EFR3A: variants seen among roughly 807,000 people sequenced by gnomAD.
EFR3A encodes the protein EFR3 homolog A.
EFR3A carries 76 observed loss-of-function variants against 104.4 expected under a neutral mutation model. That is an observed-to-expected ratio of 0.73 (90% CI 0.60 to 0.88). The LOEUF (loss-of-function observed/expected upper bound fraction) is 0.88. EFR3A is among the 40% of genes least tolerant of loss of function. The pLI is 0.00. For synonymous variants in EFR3A, 330 were observed against 330.0 expected, an observed-to-expected ratio of 1.00 and a Z score of 0.00; for missense variants, 985 against 1,012.5, an observed-to-expected ratio of 0.97 and a Z score of 0.37.
At chr8:131,991,381 G>C (rs2130777751) in intron 18 of EFR3A, among the ~76,000 whole-genome samples, 1 of 151,850 alleles carries the variant, frequency 6.6e-6, no homozygotes, top group African/African-American at 2.4e-5. Context: ...AAGGAAAGAA[G>C]TACATATTTC....
intron 1 of EFR3A, chr8:131,924,193 ATTAT>A (rs1817188626): frequency 2.6e-6 from 1 of 377,984 alleles, no homozygotes. Flanking sequence ...TGCCAAAGGA[ATTAT>A]TTCTGCATAC....
At chr8:131,927,937 C>T (rs1404367891) in intron 1 of EFR3A, among the ~76,000 whole-genome samples, 1 of 152,134 alleles carries the variant, frequency 6.6e-6, no homozygotes, top group Non-Finnish European at 1.5e-5. Flanking sequence ...AATTCCCATC[C>T]TTTTAGAACT....
intron 1 of EFR3A, among the ~76,000 whole-genome samples, chr8:131,913,220 C>T (rs1816596209): frequency 6.7e-6 from 1 of 149,248 alleles, no homozygotes; most frequent in Non-Finnish European, 1.5e-5. Flanking sequence ...TTGGCAGTTC[C>T]TCCTATGATT....
intron 1 of EFR3A, among the ~76,000 whole-genome samples, chr8:131,936,802 A>G (rs192557088): frequency 7.8e-4 from 119 of 152,208 alleles, no homozygotes; most frequent in African/African-American, 2.6e-3. Context: ...GAGCTTCCAT[A>G]TATATTTGCT....
chr8:131,949,684 C>T (rs1234992416), intron 4 of EFR3A, among the ~76,000 whole-genome samples: 2 of 151,620 alleles, frequency 1.3e-5, no homozygotes, highest in Admixed American at 6.6e-5. Flanking sequence ...TTTGGTGGTG[C>T]GTGCCTGTAG....
chr8:132,005,934 CA>C (rs1210551929), intron 22 of EFR3A, among the ~76,000 whole-genome samples: 4 of 150,968 alleles, frequency 2.6e-5, no homozygotes, highest in African/African-American at 9.7e-5. Context: ...TCTCTTGCCA[CA>C]AAAAAAAGTA....
In EFR3A at chr8:131,987,589, T is replaced by C. The variant is rs1036581359; in HGVS notation, c.1952T>C (p.Leu651Ser). ...GAACTTCGCAGGCTTCCAAAATCTT[T>C]AGAGAAGCATGAAAAAGATTTGTAC... ...FRDKCMLPKS[L>S]EKHEKDLYFL... is the part of the protein sequence containing the mutation. Residue 651 changes from leucine to serine, a missense_variant, in exon 18 of 23, where the codon TTA becomes TCA. Coordinates refer to ENST00000254624, the MANE Select transcript of EFR3A (RefSeq NM_015137.6). 1 of 1,595,896 alleles carries C rather than the reference T, an allele frequency of 6.3e-7. No homozygotes were observed. The highest frequency in any genetic ancestry group is 8.5e-7 in the Non-Finnish European group (1 of 1,170,316).
In EFR3A at chr8:131,940,482, T is replaced by A; in HGVS notation, c.11-17T>A. 3 of 1,508,394 alleles carry A rather than the reference T, an allele frequency of 2.0e-6. No homozygotes were observed. The highest frequency in any genetic ancestry group is 2.7e-6 in the Non-Finnish European group (3 of 1,113,572). The allele number at this position is 1,508,394 out of a possible 1,614,324, so 93.4% of individuals were successfully genotyped here. On this transcript the variant is annotated splice_polypyrimidine_tract_variant and intron_variant, in intron 1 of 22. Transcript: ENST00000254624. ...ATTAATAATATCTGTATTTCTTGAT[T>A]TTTTTTTTTTTAACAGGAGTATGCT...
Position 131,911,227 on chromosome 8 carries a change from A to G in EFR3A, c.10+6905A>G, listed in dbSNP as rs77175083. Reference sequence around the variant, plus strand: ...TGGAAGAATATCATTTGCCAAATATATGATGCCAATATAAGTATGTCTTTC... The same window carrying G: ...TGGAAGAATATCATTTGCCAAATATGTGATGCCAATATAAGTATGTCTTTC... On this transcript the variant is annotated intron_variant, in intron 1 of 22. Coordinates refer to ENST00000254624, the MANE Select transcript of EFR3A (RefSeq NM_015137.6). Among the ~76,000 whole-genome samples the G allele has an allele frequency of 2.9e-3, 439 of 152,312 alleles. 2 individuals are homozygous for G. Among genetic ancestry groups the G allele is most frequent in the African/African-American group, 0.01 (416 of 41,552 alleles).
intron 13 of EFR3A, 137 bp downstream of exon 13, chr8:131,979,156 A>G: frequency 1.8e-6 from 2 of 1,099,926 alleles, no homozygotes; most frequent in Non-Finnish European, 2.5e-6. Flanking sequence ...TGGTATTGAG[A>G]TAATTTAATC....
intron 18 of EFR3A, among the ~76,000 whole-genome samples, chr8:131,994,437 C>T (rs908109414): frequency 1.3e-5 from 2 of 152,136 alleles, no homozygotes; most frequent in Non-Finnish European, 2.9e-5. Context: ...GCAATATGAG[C>T]AGGCCCTTCC....
intron 1 of EFR3A, among the ~76,000 whole-genome samples, chr8:131,925,579 A>C (rs1381740636): frequency 6.6e-6 from 1 of 152,180 alleles, no homozygotes; most frequent in East Asian, 1.9e-4. Flanking sequence ...TAAAAATGAT[A>C]CAAATATACT....
At chr8:132,000,209 A>G (rs947046773) in intron 19 of EFR3A, among the ~76,000 whole-genome samples, 6 of 152,214 alleles carry the variant, frequency 3.9e-5, no homozygotes, top group Non-Finnish European at 7.4e-5. Context: ...GCTCACTGCA[A>G]GCTCCGCCTC....
In EFR3A at chr8:131,977,112, T is replaced by TAA; in HGVS notation, c.1326+22_1326+23dup. 6.4e-7 allele frequency: 1 copy of TAA among 1,570,724 alleles called. No individual in the cohort carries two copies. Among genetic ancestry groups the TAA allele is most frequent in the Non-Finnish European group, 8.7e-7 (1 of 1,150,000 alleles). ...CTTATGGTAAGGCATTTAAGACAAA[T>TAA]AAAGGACACACTTAACCTTAAATTA... On this transcript the variant is annotated intron_variant, in intron 12 of 22. Coordinates refer to ENST00000254624, the MANE Select transcript of EFR3A (RefSeq NM_015137.6).
chr8:132,010,848 T>C lies in EFR3A; in HGVS notation c.2419T>C (p.Ser807Pro). The change falls in exon 23 of 23, where the codon TCT (serine) becomes CCT (proline). Residue 807 changes from serine (S) to proline (P), a missense_variant. Coordinates refer to ENST00000254624, the MANE Select transcript of EFR3A (RefSeq NM_015137.6). ...TACTTCTGGGCATGCCCAATACCAA[T>C]CTGTCCCAGTCTATGAGATGAAGTT... is the stretch of plus-strand genomic sequence containing the variant. ...TITSGHAQYQ[S>P]VPVYEMKFPD... 6.2e-7 allele frequency: 1 copy of C among 1,612,606 alleles called. No individual in the cohort carries two copies. Among genetic ancestry groups the C allele is most frequent in the East Asian group, 2.2e-5 (1 of 44,842 alleles).
At chr8:131,973,242 CAGTT>C (rs977953518) in intron 10 of EFR3A, among the ~76,000 whole-genome samples, 3 of 151,742 alleles carry the variant, frequency 2.0e-5, no homozygotes, top group African/African-American at 7.3e-5. Context: ...TTGCTTAAGA[CAGTT>C]AGTATTAATA....
chr8:131,913,994 C>T (rs936363962), intron 1 of EFR3A, among the ~76,000 whole-genome samples: 1 of 152,158 alleles, frequency 6.6e-6, no homozygotes, highest in South Asian at 2.1e-4. Flanking sequence ...TTATCTCCTA[C>T]GCATATTTAG....
intron 1 of EFR3A, among the ~76,000 whole-genome samples, chr8:131,909,899 T>C (rs1816430495): frequency 6.6e-6 from 1 of 152,198 alleles, no homozygotes; most frequent in Non-Finnish European, 1.5e-5. Flanking sequence ...ATTTAAATGT[T>C]ATAGACCATA....
chr8:131,905,269 A>G (rs1816194202), intron 1 of EFR3A, among the ~76,000 whole-genome samples: 3 of 152,222 alleles, frequency 2.0e-5, no homozygotes, highest in South Asian at 4.1e-4. Context: ...TATATTTCCT[A>G]GAATTCATAA....
Sources: allele counts gnomAD v4.1 joint callset (sites outside exome capture counted in the v4.1 genomes callset), GRCh38; gene constraint gnomAD v4.1.1; transcripts MANE v1.5; gene names NCBI Gene and HGNC (gene_info 2026-07-23, HGNC 2026-07-21).